The following DEPDC5 variants were observed in gnomAD, a reference collection of about 807,000 sequenced individuals.
The protein encoded by DEPDC5 is GATOR1 complex protein DEPDC5.
In DEPDC5, 73 loss-of-function variants were observed where a neutral mutation model predicts 217.3. The ratio of observed to expected loss-of-function variants is 0.34; its 90% CI spans 0.28 to 0.41. The LOEUF is 0.41. Ranked by LOEUF, DEPDC5 falls within the 10% of genes least tolerant of loss-of-function variation. The pLI is 1.00. For missense variants in DEPDC5, 1,675 were observed against 2,070.1 expected (o/e 0.81, Z 3.70); for synonymous variants, 733 against 756.7 (o/e 0.97, Z 0.51).
intron 25 of DEPDC5, among the ~76,000 whole-genome samples, chr22:31,835,997 C>T (rs918501995): frequency 1.2e-4 from 19 of 152,216 alleles, no homozygotes; most frequent in African/African-American, 2.4e-4. Context: ...TAGAGACAAA[C>T]GCTCAGAGTT....
chr22:31,802,885 A>G (rs747979321), intron 15 of DEPDC5, 47 bp downstream of exon 15: 2 of 1,530,334 alleles, frequency 1.3e-6, no homozygotes, highest in Admixed American at 4.1e-5. Context: ...TCCTAGCCTG[A>G]TTTCCCCTTA....
At chr22:31,855,560 A>G (rs763997712) in intron 31 of DEPDC5, among the ~76,000 whole-genome samples, 7 of 151,366 alleles carry the variant, frequency 4.6e-5, no homozygotes, top group Non-Finnish European at 7.4e-5. Flanking sequence ...TTGTATTTTT[A>G]GTAGAGACGG....
intron 12 of DEPDC5, among the ~76,000 whole-genome samples, chr22:31,793,317 G>A (rs2085888916): frequency 6.6e-6 from 1 of 152,018 alleles, no homozygotes; most frequent in Admixed American, 6.6e-5. Context: ...AAGATATCAT[G>A]TTGCATTTAG....
chr22:31,851,258 A>T (rs1193226031), intron 31 of DEPDC5, among the ~76,000 whole-genome samples: 2 of 152,128 alleles, frequency 1.3e-5, no homozygotes, highest in African/African-American at 4.8e-5. Flanking sequence ...GCCTCTTTAT[A>T]AACAGTAAGT....
In DEPDC5 at chr22:31,798,645, T is replaced by G; in HGVS notation, c.935T>G (p.Leu312Arg). 1 of 1,611,358 alleles carries G rather than the reference T, an allele frequency of 6.2e-7. No individual in the cohort carries two copies. Among genetic ancestry groups the G allele is most frequent in the Non-Finnish European group, 8.5e-7 (1 of 1,178,324 alleles). ...GGAAACTACCTGGAGGCCATCAATC[T>G]GTCATTCAATGGTGAGTAAGGATGC... The part of the protein sequence containing the change: ...AQGNYLEAIN[L>R]SFNVFDKHYI... Residue 312 changes from leucine to arginine, a missense_variant, in exon 14 of 43, where the codon CTG becomes CGG. Around this residue, in one of 11 missense-constraint regions of DEPDC5, gnomAD observed 628 missense variants for 762.1 expected, o/e 0.82. Coordinates refer to ENST00000651528, the MANE Select transcript of DEPDC5 (RefSeq NM_001242896.3).
At chr22:31,848,593 G>T (rs1354593109) in intron 31 of DEPDC5, among the ~76,000 whole-genome samples, 1 of 152,124 alleles carries the variant, frequency 6.6e-6, no homozygotes, top group African/African-American at 2.4e-5. Context: ...ACAGCAGGAG[G>T]CCAGGCCCAG....
At chr22:31,897,815 T>C (rs1191649834) in intron 40 of DEPDC5, among the ~76,000 whole-genome samples, 162 bp downstream of exon 40, 4 of 152,110 alleles carry the variant, frequency 2.6e-5, no homozygotes, top group African/African-American at 9.7e-5. Flanking sequence ...ATTCTTGACT[T>C]AGTGGCTGGA....
intron 24 of DEPDC5, among the ~76,000 whole-genome samples, chr22:31,829,446 C>T (rs761845282): frequency 6.6e-4 from 100 of 152,110 alleles, no homozygotes; most frequent in Non-Finnish European, 9.9e-4. Flanking sequence ...GCAGGAGAAT[C>T]GCTTGAACCC....
chr22:31,829,646 CA>C (rs2090441755), intron 24 of DEPDC5, among the ~76,000 whole-genome samples: 1 of 152,130 alleles, frequency 6.6e-6, no homozygotes, highest in Admixed American at 6.5e-5. Context: ...CTTTCTCCTG[CA>C]TTTGGACATG....
chr22:31,784,597 GAGAC>G, intron 9 of DEPDC5: 1 of 427,248 alleles, frequency 2.3e-6, no homozygotes, highest in Non-Finnish European at 4.2e-6. Context: ...TCCAGCCTGG[GAGAC>G]AAAGTGAGAC....
At chr22:31,818,908 G>A (rs1250503876) in intron 21 of DEPDC5, 114 bp from the exon 22 acceptor site, 1 of 1,056,176 alleles carries the variant, frequency 9.5e-7, no homozygotes, top group Non-Finnish European at 1.4e-6. Flanking sequence ...CTCACTCCCT[G>A]ACATTTATAA....
intron 6 of DEPDC5, among the ~76,000 whole-genome samples, chr22:31,767,444 C>T (rs1014956697): frequency 2.0e-5 from 3 of 152,076 alleles, no homozygotes; most frequent in Non-Finnish European, 4.4e-5. Context: ...TACGGGCATG[C>T]ACCACCGCAC....
At chr22:31,870,832 G>A in intron 34 of DEPDC5, 88 bp downstream of exon 34, 1 of 1,380,970 alleles carries the variant, frequency 7.2e-7, no homozygotes, top group Non-Finnish European at 9.5e-7. Context: ...CCAAAGCTCT[G>A]GGCCGAGTTC....
chr22:31,875,468 T>C (rs1290162438), intron 36 of DEPDC5: 2 of 152,158 alleles, frequency 1.3e-5, no homozygotes, highest in East Asian at 3.8e-4. Flanking sequence ...TATAATAAAA[T>C]TATTTAAGAA....
intron 33 of DEPDC5, among the ~76,000 whole-genome samples, chr22:31,863,345 T>C (rs1000698160): frequency 2.6e-5 from 4 of 152,196 alleles, no homozygotes; most frequent in Non-Finnish European, 4.4e-5. Flanking sequence ...TTTTGTATTA[T>C]TAGTAGAGAA....
intron 3 of DEPDC5, among the ~76,000 whole-genome samples, chr22:31,760,070 CT>C (rs143845210): frequency 0.017 from 2,335 of 140,162 alleles, 18 homozygotes; most frequent in Middle Eastern, 0.038. Context: ...TTCTTTGTTT[CT>C]TTTTTTTTTT....
intron 25 of DEPDC5, among the ~76,000 whole-genome samples, chr22:31,834,698 G>C (rs1367697613): frequency 2.0e-5 from 3 of 152,020 alleles, no homozygotes; most frequent in Non-Finnish European, 2.9e-5. Flanking sequence ...TGTATTTTTA[G>C]TAGAGACGGG....
intron 2 of DEPDC5, among the ~76,000 whole-genome samples, chr22:31,757,947 A>G (rs79665312): frequency 0.012 from 1,867 of 152,164 alleles, 99 homozygotes; most frequent in Admixed American, 0.077. Context: ...TATTTTTAGT[A>G]GAGACGGGGT....
At chr22:31,869,042 A>C (rs1004281972) in intron 33 of DEPDC5, among the ~76,000 whole-genome samples, 4 of 152,070 alleles carry the variant, frequency 2.6e-5, no homozygotes, top group Non-Finnish European at 5.9e-5. Flanking sequence ...CAGGAGTTTG[A>C]GATCAGCCGA....
Sources: allele counts gnomAD v4.1 joint callset (sites outside exome capture counted in the v4.1 genomes callset), GRCh38; gene constraint gnomAD v4.1.1; regional missense constraint gnomAD v4.1.1; transcripts MANE v1.5; gene names NCBI Gene and HGNC (gene_info 2026-07-23, HGNC 2026-07-21).